The following TNFRSF21 variants were observed in gnomAD, a reference collection of about 807,000 sequenced individuals.
TNFRSF21 encodes the protein tumor necrosis factor receptor superfamily member 21.
TNFRSF21 carries 19 observed loss-of-function variants against 45.6 expected under a neutral mutation model. The observed-to-expected ratio is 0.42, with a 90% CI of 0.29 to 0.61. The LOEUF is 0.61. Ranked by LOEUF, TNFRSF21 falls within the 20% of genes least tolerant of loss-of-function variation. TNFRSF21 has a pLI of 0.23. For synonymous variants in TNFRSF21, 314 were observed against 335.5 expected (o/e 0.94, Z 0.70); for missense variants, 737 against 851.5 (o/e 0.87, Z 1.67).
intron 3 of TNFRSF21, among the ~76,000 whole-genome samples, chr6:47,281,596 G>T (rs1362025137): frequency 2.6e-5 from 4 of 152,102 alleles, no homozygotes; most frequent in Non-Finnish European, 4.4e-5. Flanking sequence ...GGCCAGGCGG[G>T]TCTCAAACTC....
chr6:47,266,654 G>C (rs1300449866), intron 3 of TNFRSF21, among the ~76,000 whole-genome samples: 2 of 152,176 alleles, frequency 1.3e-5, no homozygotes, highest in African/African-American at 4.8e-5. Flanking sequence ...AAGCCAGCTG[G>C]TCTGTACTTT....
intron 4 of TNFRSF21, among the ~76,000 whole-genome samples, chr6:47,235,832 CTG>C (rs937706318): frequency 2.0e-5 from 3 of 152,102 alleles, no homozygotes; most frequent in Admixed American, 6.6e-5. Context: ...AGAACAGAGA[CTG>C]TGAAGATTGC....
chr6:47,303,997 A>G (rs1762906114), intron 1 of TNFRSF21, among the ~76,000 whole-genome samples: 1 of 152,222 alleles, frequency 6.6e-6, no homozygotes, highest in Non-Finnish European at 1.5e-5. Flanking sequence ...AAACAGACAT[A>G]TCTTTGCCTA....
rs1362577924 is a variant in TNFRSF21, at chr6:47,232,465, A to G, written c.*300T>C. 6.5e-6 allele frequency: 2 copies of G among 308,666 alleles called. No homozygotes were observed. Among genetic ancestry groups the G allele is most frequent in the East Asian group, 6.3e-5 (1 of 15,994 alleles). The allele number at this position is 308,666 out of a possible 1,614,324, so 19.1% of individuals were successfully genotyped here. On this transcript the variant is annotated 3_prime_UTR_variant, in exon 6 of 6. Coordinates refer to ENST00000296861, the MANE Select transcript of TNFRSF21 (RefSeq NM_014452.5). ...TCTTGAAAATACATAAGAAGGCAAA[A>G]TGGAGAAAATATGGAACTTAAAAAA... is the stretch of plus-strand genomic sequence containing the variant.
At chr6:47,265,447 T>C (rs1381778857) in intron 3 of TNFRSF21, among the ~76,000 whole-genome samples, 1 of 152,156 alleles carries the variant, frequency 6.6e-6, no homozygotes, top group Non-Finnish European at 1.5e-5. Flanking sequence ...CACCGAGTAA[T>C]TTATAGGAAA....
At chr6:47,307,967 C>A (rs894312824) in intron 1 of TNFRSF21, among the ~76,000 whole-genome samples, 1 of 152,144 alleles carries the variant, frequency 6.6e-6, no homozygotes, top group Non-Finnish European at 1.5e-5. Flanking sequence ...TCCCATGGAC[C>A]TAGATGTGTT....
In TNFRSF21 at chr6:47,281,097, T is replaced by C. The variant is rs1048114751; in HGVS notation, c.1243+2841A>G. Among the ~76,000 whole-genome samples the C allele has an allele frequency of 9.2e-5, 14 of 152,204 alleles. No homozygotes were observed. In the South Asian group the frequency reaches 1.2e-3, roughly 14 times the overall value. On this transcript the variant is annotated intron_variant, in intron 3 of 5. Coordinates refer to ENST00000296861, the MANE Select transcript of TNFRSF21 (RefSeq NM_014452.5). The stretch of plus-strand genomic sequence containing the variant: ...AGTATATTATCTACCAAGGGCCTTA[T>C]TGGGTCAACATACAATATTGGCAAA...
Position 47,286,488 on chromosome 6 carries a change from G to A in TNFRSF21, c.204C>T (p.Asp68=), listed in dbSNP as rs41305916. The change falls in exon 2 of 6, where the codon GAC becomes GAT. Residue 68 remains aspartate, a synonymous_variant. Coordinates refer to ENST00000296861, the MANE Select transcript of TNFRSF21 (RefSeq NM_014452.5). The stretch of plus-strand genomic sequence containing the variant: ...AGACATAGGTTCCTGCTGGACACTT[G>A]TCACAGGTTAGCACCTGGCCGGTGG... ...DRATGQVLTC[D]KCPAGTYVSE... 11,025 of 1,614,208 alleles carry A rather than the reference G, an allele frequency of 6.8e-3. 55 individuals are homozygous for A. The highest frequency in any genetic ancestry group is 8.5e-3 in the Non-Finnish European group (10,075 of 1,180,046).
chr6:47,299,033 C>T (rs184187392), intron 1 of TNFRSF21, among the ~76,000 whole-genome samples: 31 of 152,106 alleles, frequency 2.0e-4, no homozygotes, highest in Non-Finnish European at 4.1e-4. Flanking sequence ...CACTAAAGTC[C>T]GAAAAGTCAA....
intron 2 of TNFRSF21, among the ~76,000 whole-genome samples, chr6:47,285,457 C>T (rs930056663): frequency 6.6e-6 from 1 of 152,080 alleles, no homozygotes; most frequent in African/African-American, 2.4e-5. Context: ...CATTCTTTGC[C>T]CCACCTGGAT....
Position 47,297,510 on chromosome 6 carries a change from C to CTTTTTTTTTTTT in TNFRSF21, c.97-10927_97-10916dup, listed in dbSNP as rs55690288. 2.2e-4 allele frequency among the ~76,000 whole-genome samples: 26 copies of CTTTTTTTTTTTT among 117,454 alleles called. 1 individual carries two copies. The highest frequency in any genetic ancestry group is 5.3e-4 in the East Asian group (2 of 3,746). The allele number at this position is 117,454 out of a possible 152,430, so 77.1% of individuals were successfully genotyped here. On this transcript the variant is annotated intron_variant, in intron 1 of 5. Transcript: ENST00000296861. The stretch of plus-strand genomic sequence containing the variant: ...TGATGGAAAATCCTTTCTCTTTTTA[C>CTTTTTTTTTTTT]TTTTTTTTTTTTTTTTTTTTTGAGT...
chr6:47,232,671 A>C lies in TNFRSF21; in HGVS notation c.*94T>G, dbSNP rs1377552919. ...CACACACACACACAAACACACACAC[A>C]CACCCCAAACAACAAAAATCAGAAA... is the stretch of plus-strand genomic sequence containing the variant. On this transcript the variant is annotated 3_prime_UTR_variant, in exon 6 of 6. Coordinates refer to ENST00000296861, the MANE Select transcript of TNFRSF21 (RefSeq NM_014452.5). 6 of 1,116,784 alleles carry C rather than the reference A, an allele frequency of 5.4e-6. No homozygotes were observed. Among genetic ancestry groups the C allele is most frequent in the Non-Finnish European group, 7.9e-6 (6 of 755,696 alleles). The allele number at this position is 1,116,784 out of a possible 1,614,324, so 69.2% of individuals were successfully genotyped here. A position where few individuals can be genotyped will look rare whatever the true frequency, so the allele number is the denominator to read the frequency against.
chr6:47,272,139 TGAACTC>T (rs1762431278), intron 3 of TNFRSF21, among the ~76,000 whole-genome samples: 3 of 152,154 alleles, frequency 2.0e-5, no homozygotes, highest in African/African-American at 7.2e-5. Flanking sequence ...TATCCAGACT[TGAACTC>T]AGCTCTACAA....
At chr6:47,249,047 G>A (rs1764861188) in intron 4 of TNFRSF21, among the ~76,000 whole-genome samples, 1 of 152,130 alleles carries the variant, frequency 6.6e-6, no homozygotes, top group Non-Finnish European at 1.5e-5. Context: ...GCCAGGACAG[G>A]GATTTAACCC....
rs1276748869 is a variant in TNFRSF21 at position 47,232,638 on chromosome 6, CACACACACACACACACACACAA to C, written c.*105_*126del. On this transcript the variant is annotated 3_prime_UTR_variant, in exon 6 of 6. Transcript: ENST00000296861. Reference sequence around the variant, plus strand: ...ATTCTCTGTTAAACACACACACACACACACACACACACACACACACAAACACACACACACACCCCAAACAACA... The same window carrying C: ...ATTCTCTGTTAAACACACACACACACACACACACACACACCCCAAACAACA... 2.7e-5 allele frequency: 20 copies of C among 734,026 alleles called. No individual in the cohort carries two copies. The highest frequency in any genetic ancestry group is 5.0e-5 in the Admixed American group (2 of 40,178). 45.5% of individuals were successfully genotyped at this position (734,026 alleles called of 1,614,324 possible). A position where few individuals can be genotyped will look rare whatever the true frequency, so the allele number is the denominator to read the frequency against.
At chr6:47,303,863 A>C (rs79519093) in intron 1 of TNFRSF21, among the ~76,000 whole-genome samples, 1 of 152,254 alleles carries the variant, frequency 6.6e-6, no homozygotes, top group Non-Finnish European at 1.5e-5. Flanking sequence ...CCTATCCTAA[A>C]TAATCAAAGC....
chr6:47,242,420 C>A (rs1461273797), intron 4 of TNFRSF21, among the ~76,000 whole-genome samples: 1 of 152,154 alleles, frequency 6.6e-6, no homozygotes, highest in African/African-American at 2.4e-5. Flanking sequence ...TCTTAGAATT[C>A]TCATCATTTC....
At chr6:47,264,252 G>A (rs1408066900) in intron 3 of TNFRSF21, among the ~76,000 whole-genome samples, 4 of 152,180 alleles carry the variant, frequency 2.6e-5, no homozygotes, top group Non-Finnish European at 1.5e-5. Context: ...CTTAGGCCGG[G>A]TGCGGTGGCT....
intron 4 of TNFRSF21, among the ~76,000 whole-genome samples, chr6:47,246,963 A>C (rs1204001166): frequency 6.6e-6 from 1 of 152,168 alleles, no homozygotes; most frequent in East Asian, 1.9e-4. Context: ...ATCCCACTGA[A>C]TTATAATTAT....
Sources: allele counts gnomAD v4.1 joint callset (sites outside exome capture counted in the v4.1 genomes callset), GRCh38; gene constraint gnomAD v4.1.1; transcripts MANE v1.5; gene names NCBI Gene and HGNC (gene_info 2026-07-23, HGNC 2026-07-21).